Variants in ZBTB7C observed in about 807,000 individuals in gnomAD.
The protein encoded by ZBTB7C is zinc finger and BTB domain containing 7C.
A neutral mutation model predicts 25.7 loss-of-function variants in ZBTB7C; 8 were observed. That is an observed-to-expected ratio of 0.31 (90% confidence interval 0.18 to 0.56). ZBTB7C has a LOEUF of 0.56. ZBTB7C is among the 20% of genes least tolerant of loss of function. The pLI is 0.91. For missense variants in ZBTB7C, 824 were observed against 855.2 expected, an observed-to-expected ratio of 0.96 and a Z score of 0.46; for synonymous variants, 394 against 369.0, an observed-to-expected ratio of 1.07 and a Z score of -0.78.
intron 3 of ZBTB7C, among the ~76,000 whole-genome samples, chr18:48,103,848 T>C (rs1351996574): frequency 1.3e-5 from 2 of 152,134 alleles, no homozygotes; most frequent in African/African-American, 2.4e-5. Flanking sequence ...GGACCACATA[T>C]TATATGATTC....
intron 1 of ZBTB7C, among the ~76,000 whole-genome samples, chr18:48,360,547 G>C (rs2047081024): frequency 6.6e-6 from 1 of 152,210 alleles, no homozygotes; most frequent in African/African-American, 2.4e-5. Flanking sequence ...GCTTTGAATT[G>C]GACTTGACCC....
chr18:48,308,399 C>T (rs985274863), intron 2 of ZBTB7C, among the ~76,000 whole-genome samples: 4 of 152,100 alleles, frequency 2.6e-5, no homozygotes, highest in African/African-American at 7.2e-5. Context: ...CCCACCTTTC[C>T]ACTTTTGGGG....
chr18:48,392,375 A>G (rs1030278212), intron 1 of ZBTB7C, among the ~76,000 whole-genome samples: 2 of 152,202 alleles, frequency 1.3e-5, no homozygotes, highest in Non-Finnish European at 2.9e-5. Flanking sequence ...ACACACCCCA[A>G]AAGAATGTAA....
chr18:48,246,856 T>TGGACCACAGTCAGGGCA (rs2043710270), intron 2 of ZBTB7C, among the ~76,000 whole-genome samples: 1 of 152,096 alleles, frequency 6.6e-6, no homozygotes, highest in Non-Finnish European at 1.5e-5. Context: ...CACAGCTCTC[T>TGGACCACAGTCAGGGCA]GGACCACAGT....
At chr18:48,305,052 G>C (rs145978524) in intron 2 of ZBTB7C, among the ~76,000 whole-genome samples, 1 of 152,232 alleles carries the variant, frequency 6.6e-6, no homozygotes, top group Non-Finnish European at 1.5e-5. Flanking sequence ...AATTGCAAGA[G>C]AGGACAGCGC....
intron 2 of ZBTB7C, among the ~76,000 whole-genome samples, chr18:48,327,917 T>C (rs931358021): frequency 6.6e-6 from 1 of 151,906 alleles, no homozygotes; most frequent in Non-Finnish European, 1.5e-5. Context: ...TTTTTTAAGA[T>C]ATTAAGTGAG....
At chr18:48,102,867 T>C (rs1268475254) in intron 3 of ZBTB7C, among the ~76,000 whole-genome samples, 1 of 151,756 alleles carries the variant, frequency 6.6e-6, no homozygotes, top group Non-Finnish European at 1.5e-5. Flanking sequence ...TTTGCAAAAA[T>C]ACATGTGGAG....
chr18:48,224,867 G>A (rs1479163701), intron 2 of ZBTB7C, among the ~76,000 whole-genome samples: 2 of 152,038 alleles, frequency 1.3e-5, no homozygotes, highest in South Asian at 2.1e-4. Flanking sequence ...CATTAAACTG[G>A]GTTCTATATA....
Position 48,318,188 on chromosome 18 carries a change from T to A in ZBTB7C, c.-79+19986A>T, listed in dbSNP as rs1434737224. Among the ~76,000 whole-genome samples the A allele has an allele frequency of 2.6e-5, 4 of 151,634 alleles. No homozygotes were observed. The South Asian group carries it at 6.2e-4, about 24-fold the overall frequency. ...ACCCCCTATTGATGACAGCAGAACA[T>A]GTCCCTTGCAAAAAACAAAACAAAA... On this transcript the variant is annotated intron_variant, in intron 2 of 4. Transcript: ENST00000590800.
chr18:48,351,981 C>A (rs761755148), intron 1 of ZBTB7C, among the ~76,000 whole-genome samples: 6 of 152,160 alleles, frequency 3.9e-5, no homozygotes, highest in Non-Finnish European at 7.4e-5. Context: ...CCACCCTCTG[C>A]CCAGCCCCCT....
intron 3 of ZBTB7C, among the ~76,000 whole-genome samples, chr18:48,044,504 C>T (rs1210377309): frequency 6.6e-6 from 1 of 152,252 alleles, no homozygotes; most frequent in Non-Finnish European, 1.5e-5. Flanking sequence ...CCCAAGAAGG[C>T]TGCCTTTGGG....
intron 3 of ZBTB7C, among the ~76,000 whole-genome samples, chr18:48,175,399 A>G (rs962318576): frequency 3.7e-4 from 56 of 152,212 alleles, no homozygotes; most frequent in African/African-American, 1.2e-3. Flanking sequence ...GAAGAAGGAC[A>G]TGTAATTATG....
chr18:48,076,978 C>A, intron 3 of ZBTB7C: 1 of 983,964 alleles, frequency 1.0e-6, no homozygotes, highest in Non-Finnish European at 1.2e-6. Context: ...TGTTTCTGAA[C>A]TTGGCCAAGA....
At chr18:48,155,429 G>A (rs1254906423) in intron 3 of ZBTB7C, among the ~76,000 whole-genome samples, 23 of 138,874 alleles carry the variant, frequency 1.7e-4, no homozygotes, top group African/African-American at 5.1e-4. Flanking sequence ...CCGGGTTCAC[G>A]CCATTCTCCT....
At chr18:48,357,291 G>C (rs75859081) in intron 1 of ZBTB7C, among the ~76,000 whole-genome samples, 7 of 152,296 alleles carry the variant, frequency 4.6e-5, no homozygotes, top group East Asian at 3.9e-4. Context: ...GGCTGGGAAG[G>C]GGGAGGGAGG....
intron 2 of ZBTB7C, among the ~76,000 whole-genome samples, chr18:48,321,801 C>T (rs1457043187): frequency 6.6e-6 from 1 of 152,158 alleles, no homozygotes; most frequent in Non-Finnish European, 1.5e-5. Flanking sequence ...GCGTGCCGAT[C>T]CGCCCCAGCC....
chr18:48,398,880 AT>A (rs1483764128), intron 1 of ZBTB7C, among the ~76,000 whole-genome samples: 1 of 152,218 alleles, frequency 6.6e-6, no homozygotes, highest in African/African-American at 2.4e-5. Flanking sequence ...CAATTAAGCA[AT>A]TTTATCCTTT....
rs80204720 is a variant in ZBTB7C, at chr18:48,274,190, T to G, written c.-79+63984A>C. Among the ~76,000 whole-genome samples, 7 of 152,334 alleles carry G rather than the reference T, an allele frequency of 4.6e-5. No homozygotes were observed. The East Asian group carries it at 1.4e-3, about 29-fold the overall frequency. Reference sequence around the variant, plus strand: ...TCTTTTAGGACCCTTAATCTCATGCTTTTTCTGCTACTCCAGACTACCTCT... The same window carrying G: ...TCTTTTAGGACCCTTAATCTCATGCGTTTTCTGCTACTCCAGACTACCTCT... On this transcript the variant is annotated intron_variant, in intron 2 of 4. Transcript: ENST00000590800.
At chr18:48,278,485 G>A (rs1042203013) in intron 2 of ZBTB7C, among the ~76,000 whole-genome samples, 1 of 151,850 alleles carries the variant, frequency 6.6e-6, no homozygotes, top group African/African-American at 2.4e-5. Flanking sequence ...ATCCAGGCTG[G>A]AATGCAATGG....
Sources: allele counts gnomAD v4.1 joint callset (sites outside exome capture counted in the v4.1 genomes callset), GRCh38; gene constraint gnomAD v4.1.1; transcripts MANE v1.5; gene names NCBI Gene and HGNC (gene_info 2026-07-23, HGNC 2026-07-21).